Variants in CCP110 observed in about 807,000 individuals in gnomAD.
CCP110 encodes the protein centriolar coiled-coil protein of 110 kDa.
CCP110 carries 43 observed loss-of-function variants against 105.5 expected under a neutral mutation model. That is an observed-to-expected ratio of 0.41 (90% CI 0.32 to 0.53). The LOEUF (loss-of-function observed/expected upper bound fraction) is 0.53. Among genes scored for constraint, CCP110 ranks in the 20% least tolerant of loss-of-function variants. The pLI, the probability that CCP110 is intolerant of heterozygous loss-of-function variation, is 0.32. For missense variants in CCP110, 1,016 were observed against 1,189.1 expected (o/e 0.85, Z 2.14); for synonymous variants, 353 against 392.1 (o/e 0.90, Z 1.18).
chr16:19,540,748 C>T (rs1970248287), exon 5 of CCP110: 2 of 1,613,244 alleles, frequency 1.2e-6, no homozygotes, highest in South Asian at 1.1e-5. Flanking sequence ...TATCACTACT[C>T]ATAGCTGAGC....
chr16:19,544,271 G>C (rs1970388840), intron 8 of CCP110, among the ~76,000 whole-genome samples: 1 of 152,156 alleles, frequency 6.6e-6, no homozygotes, highest in Admixed American at 6.5e-5. Context: ...ATAATATTAT[G>C]AATAACATGT....
intron 3 of CCP110, among the ~76,000 whole-genome samples, chr16:19,535,642 ATG>A (rs967651369): frequency 3.3e-5 from 5 of 152,300 alleles, no homozygotes; most frequent in South Asian, 2.1e-4. Flanking sequence ...ATATGAATAT[ATG>A]TGTGTGTGTA....
At chr16:19,551,738 A>G (rs1970647498) in exon 15 of CCP110, 1 of 153,544 alleles carries the variant, frequency 6.5e-6, no homozygotes, top group Non-Finnish European at 1.4e-5. Context: ...TAACCACTCA[A>G]TGTCCACTTT....
chr16:19,531,926 A>G (rs1040157531), intron 2 of CCP110, among the ~76,000 whole-genome samples: 3 of 150,618 alleles, frequency 2.0e-5, no homozygotes, highest in Admixed American at 1.3e-4. Flanking sequence ...AGATCGCACC[A>G]CTGCACTCCA....
At chr16:19,528,074 CA>C in intron 2 of CCP110, 52 bp downstream of exon 2, 1 of 1,453,574 alleles carries the variant, frequency 6.9e-7, no homozygotes, top group Non-Finnish European at 9.4e-7. Context: ...ACAACTAAAA[CA>C]GTTCGTGGAA....
intron 11 of CCP110, 38 bp downstream of exon 11, chr16:19,545,928 C>A: frequency 1.7e-6 from 2 of 1,194,970 alleles, no homozygotes; most frequent in Non-Finnish European, 2.5e-6. Context: ...GTTATCAAAC[C>A]AATTAATTTT....
chr16:19,524,480 G>A (rs1597244216), intron 1 of CCP110, among the ~76,000 whole-genome samples: 1 of 152,314 alleles, frequency 6.6e-6, no homozygotes, highest in Admixed American at 6.5e-5. Flanking sequence ...GTGCTGGAGA[G>A]GGAGGCTTCC....
At chr16:19,540,937 CAA>C (rs1970255801) in intron 5 of CCP110, 150 bp downstream of exon 5, 2 of 523,900 alleles carry the variant, frequency 3.8e-6, no homozygotes, top group African/African-American at 3.9e-5. Flanking sequence ...TATTTTTTGT[CAA>C]AATATGAATT....
chr16:19,537,047 C>T lies in CCP110; in HGVS notation c.1378C>T (p.Gln460Ter). 2.5e-6 allele frequency: 4 copies of T among 1,614,172 alleles called. No individual in the cohort carries two copies. Among genetic ancestry groups the T allele is most frequent in the Non-Finnish European group, 2.5e-6 (3 of 1,180,042 alleles). The change falls in exon 4 of 15, where the codon CAG becomes TAG. Residue 460 changes from glutamine to a stop codon, truncating the protein, a stop_gained. Coordinates refer to ENST00000381396, the Ensembl canonical transcript of CCP110. LOFTEE classifies it high-confidence loss of function. Reference sequence around the variant, plus strand: ...AGATGTGGTTTTAGGTAAATCAAATCAGGTATGTCAATCTTCAGGAAATCA... The same window carrying T: ...AGATGTGGTTTTAGGTAAATCAAATTAGGTATGTCAATCTTCAGGAAATCA...
chr16:19,549,890 T>C (rs925599144), intron 14 of CCP110, among the ~76,000 whole-genome samples: 2 of 152,200 alleles, frequency 1.3e-5, no homozygotes, highest in Non-Finnish European at 2.9e-5. Flanking sequence ...ATAAGCAAAA[T>C]AGCAAGTACT....
intron 2 of CCP110, among the ~76,000 whole-genome samples, chr16:19,530,682 CA>C (rs796911104): frequency 0.02 from 2,751 of 138,214 alleles, 90 homozygotes; most frequent in African/African-American, 0.067. Context: ...GACCCTCTCT[CA>C]AAAAAAAAAA....
At chr16:19,551,555 C>G in exon 15 of CCP110, 4 of 270,976 alleles carry the variant, frequency 1.5e-5, no homozygotes, top group Non-Finnish European at 2.1e-5. Context: ...TTGTAAATGT[C>G]AAGGACATTT....
exon 2 of CCP110, chr16:19,527,992 C>T (rs1312744064): frequency 6.2e-7 from 1 of 1,612,954 alleles, no homozygotes; most frequent in South Asian, 1.1e-5. Context: ...CACTTATTCG[C>T]TTTCATGGAG....
At chr16:19,542,544 C>A in intron 6 of CCP110, 77 bp from the exon 7 acceptor site, 1 of 1,112,796 alleles carries the variant, frequency 9.0e-7, no homozygotes, top group Non-Finnish European at 1.3e-6. Context: ...TAATGAGTGT[C>A]ACAAGTGTTT....
At chr16:19,532,862 G>A (rs1244679029) in intron 3 of CCP110, among the ~76,000 whole-genome samples, 1 of 152,092 alleles carries the variant, frequency 6.6e-6, no homozygotes, top group Non-Finnish European at 1.5e-5. Context: ...GGGTATTATT[G>A]TTTACCCCAA....
At chr16:19,528,573 CAG>C (rs995516102) in intron 2 of CCP110, among the ~76,000 whole-genome samples, 5 of 152,000 alleles carry the variant, frequency 3.3e-5, no homozygotes, top group African/African-American at 1.2e-4. Context: ...AGCATGCTGT[CAG>C]GGGCAGTATA....
Position 19,546,533 on chromosome 16 carries a change from T to C in CCP110, c.2840+59T>C, listed in dbSNP as rs750813729. ...TTTTGTTTTTTATAGAAAAAAAAAA[T>C]TGGCTGGGCACGGTGGCTCACGCCT... On this transcript the variant is annotated intron_variant, in intron 12 of 14. Transcript: ENST00000381396. 1.3e-4 allele frequency: 123 copies of C among 950,526 alleles called. 1 individual carries two copies. Among genetic ancestry groups the C allele is most frequent in the Non-Finnish European group, 2.0e-4 (120 of 613,358 alleles). The allele number at this position is 950,526 out of a possible 1,614,324, so 58.9% of individuals were successfully genotyped here.
intron 6 of CCP110, among the ~76,000 whole-genome samples, chr16:19,542,418 C>G (rs920989160): frequency 4.6e-5 from 7 of 152,154 alleles, no homozygotes; most frequent in African/African-American, 1.7e-4. Context: ...ATCTTCATAT[C>G]TCAATTATCC....
At chr16:19,544,999 TC>T in intron 9 of CCP110, 94 bp from the exon 10 acceptor site, 1 of 984,630 alleles carries the variant, frequency 1.0e-6, no homozygotes, top group South Asian at 1.5e-5. Context: ...ACTATTTTAA[TC>T]TTTTTCTATA....
Sources: allele counts gnomAD v4.1 joint callset (sites outside exome capture counted in the v4.1 genomes callset), GRCh38; gene constraint gnomAD v4.1.1; transcripts MANE v1.5; gene names NCBI Gene and HGNC (gene_info 2026-07-23, HGNC 2026-07-21).